The following RMST variants were observed in gnomAD, a reference collection of about 807,000 sequenced individuals.
The protein encoded by RMST is rhabdomyosarcoma 2 associated transcript.
chr12:97,477,531 C>T (rs1438464105), intron 5 of RMST, among the ~76,000 whole-genome samples: 1 of 152,012 alleles, frequency 6.6e-6, no homozygotes, highest in Non-Finnish European at 1.5e-5. Context: ...ACAACAACAT[C>T]AGCACAATTT....
chr12:97,537,752 A>G (rs1882182068), intron 11 of RMST, among the ~76,000 whole-genome samples: 1 of 151,500 alleles, frequency 6.6e-6, no homozygotes, highest in Non-Finnish European at 1.5e-5. Context: ...TGGATGTGTC[A>G]GGGTTTCATG....
At chr12:97,513,626 T>G (rs1879643734) in intron 10 of RMST, among the ~76,000 whole-genome samples, 1 of 152,212 alleles carries the variant, frequency 6.6e-6, no homozygotes, top group African/African-American at 2.4e-5. Context: ...AGCTCTTATA[T>G]TACCTATATA....
chr12:97,485,333 C>T (rs552582699), intron 5 of RMST, among the ~76,000 whole-genome samples: 3 of 152,262 alleles, frequency 2.0e-5, no homozygotes, highest in African/African-American at 7.2e-5. Flanking sequence ...TATGTCTACT[C>T]TATATGCAGT....
At chr12:97,544,655 A>G (rs1242585015) in intron 11 of RMST, among the ~76,000 whole-genome samples, 3 of 151,958 alleles carry the variant, frequency 2.0e-5, no homozygotes, top group Non-Finnish European at 2.9e-5. Context: ...AACCTTTCCT[A>G]TTGTCCTGCC....
intron 5 of RMST, among the ~76,000 whole-genome samples, chr12:97,482,312 C>G (rs990614872): frequency 6.6e-6 from 1 of 152,074 alleles, no homozygotes; most frequent in African/African-American, 2.4e-5. Context: ...CGAAAGCAGC[C>G]AGAGACAATA....
intron 5 of RMST, among the ~76,000 whole-genome samples, chr12:97,488,209 C>A (rs1876342210): frequency 6.6e-6 from 1 of 152,120 alleles, no homozygotes; most frequent in South Asian, 2.1e-4. Context: ...CATGGCGAAA[C>A]CCTGTCTCTA....
intron 5 of RMST, among the ~76,000 whole-genome samples, chr12:97,471,351 T>G (rs2136389646): frequency 6.6e-6 from 1 of 152,266 alleles, no homozygotes; most frequent in East Asian, 1.9e-4. Flanking sequence ...ACCCTCTAAC[T>G]TATATGGGAG....
intron 10 of RMST, among the ~76,000 whole-genome samples, chr12:97,524,435 A>C (rs2136564277): frequency 6.6e-6 from 1 of 152,306 alleles, no homozygotes; most frequent in South Asian, 2.1e-4. Context: ...ACCAGTAGAG[A>C]GGGCCAGCAA....
chr12:97,494,148 C>A (rs537616549), intron 8 of RMST: 7 of 152,314 alleles, frequency 4.6e-5, no homozygotes, highest in Non-Finnish European at 8.8e-5. Context: ...CGCATACATG[C>A]ATGTTCATCT....
chr12:97,494,035 G>A (rs1221077278), intron 8 of RMST: 1 of 152,192 alleles, frequency 6.6e-6, no homozygotes, highest in East Asian at 1.9e-4. Flanking sequence ...GCTTCCAGAA[G>A]TAGAAAATGT....
chr12:97,563,154 G>A (rs1884253685), intron 13 of RMST: 1 of 152,276 alleles, frequency 6.6e-6, no homozygotes, highest in South Asian at 2.1e-4. Context: ...TTGGACCTGA[G>A]TTATTTAGAT....
At chr12:97,529,232 A>T (rs907981794) in intron 10 of RMST, among the ~76,000 whole-genome samples, 1 of 152,040 alleles carries the variant, frequency 6.6e-6, no homozygotes, top group African/African-American at 2.4e-5. Context: ...CCTCATTTTT[A>T]TATCTTAGGT....
At chr12:97,511,630 C>T (rs1022572783) in intron 10 of RMST, among the ~76,000 whole-genome samples, 6 of 152,184 alleles carry the variant, frequency 3.9e-5, no homozygotes, top group Admixed American at 2.0e-4. Context: ...GTGTGACCCA[C>T]AGCAAGTTAT....
intron 10 of RMST, among the ~76,000 whole-genome samples, chr12:97,511,328 TAGTAG>T (rs1879268622): frequency 6.6e-6 from 1 of 152,090 alleles, no homozygotes; most frequent in Non-Finnish European, 1.5e-5. Context: ...TTTGTATTTT[TAGTAG>T]ACACGGGGTT....
At chr12:97,481,554 A>T (rs12579455) in intron 5 of RMST, among the ~76,000 whole-genome samples, 1 of 151,870 alleles carries the variant, frequency 6.6e-6, no homozygotes. Flanking sequence ...GAGAAATAGC[A>T]TGCTGAGCTT....
chr12:97,487,604 T>A (rs1876254761), intron 5 of RMST, among the ~76,000 whole-genome samples: 1 of 152,088 alleles, frequency 6.6e-6, no homozygotes, highest in South Asian at 2.1e-4. Context: ...GCTAATAATG[T>A]TTGTTGAAGA....
chr12:97,468,062 C>T (rs1219656105), intron 5 of RMST, among the ~76,000 whole-genome samples: 1 of 152,060 alleles, frequency 6.6e-6, no homozygotes, highest in African/African-American at 2.4e-5. Context: ...TCTTAGATAG[C>T]TAGTAAAAAT....
intron 5 of RMST, chr12:97,491,987 C>T (rs1256447672): frequency 1.9e-6 from 1 of 531,718 alleles, no homozygotes; most frequent in African/African-American, 1.9e-5. Flanking sequence ...GCCTGATAAA[C>T]AATGGAACTT....
At chr12:97,541,888 T>C (rs778814980) in intron 11 of RMST, among the ~76,000 whole-genome samples, 1 of 151,936 alleles carries the variant, frequency 6.6e-6, no homozygotes, top group Non-Finnish European at 1.5e-5. Flanking sequence ...AAAGGCACTA[T>C]AGGAACATAA....
Sources: gnomAD v4.1 joint callset for allele counts (sites outside exome capture counted in the v4.1 genomes callset) on GRCh38, gnomAD v4.1.1 for gene constraint, MANE v1.5 for transcripts, NCBI Gene and HGNC (gene_info 2026-07-23, HGNC 2026-07-21) for gene names.